PTPRU: variants seen among roughly 807,000 people sequenced by gnomAD.
The protein encoded by PTPRU is protein tyrosine phosphatase receptor type U.
PTPRU carries 69 observed loss-of-function variants against 166.3 expected under a neutral mutation model. The observed-to-expected ratio is 0.41, with a 90% confidence interval of 0.34 to 0.51. The LOEUF is 0.51. Ranked by LOEUF, PTPRU falls within the 20% of genes least tolerant of loss-of-function variation. The probability of loss-of-function intolerance (pLI) is 0.09; values close to 1 mark genes in which losing one functional copy is unlikely to be tolerated. For missense variants in PTPRU, 1,657 were observed against 2,013.7 expected, an observed-to-expected ratio of 0.82 and a Z score of 3.39; for synonymous variants, 793 against 814.0, an observed-to-expected ratio of 0.97 and a Z score of 0.44.
chr1:29,266,827 G>A (rs910212438), intron 7 of PTPRU, among the ~76,000 whole-genome samples: 3 of 152,130 alleles, frequency 2.0e-5, no homozygotes, highest in Non-Finnish European at 4.4e-5. Context: ...GATAATAGAT[G>A]AGTAAACAAG....
intron 8 of PTPRU, among the ~76,000 whole-genome samples, chr1:29,278,062 C>CGCCT (rs1557440858): frequency 6.6e-6 from 1 of 151,848 alleles, no homozygotes; most frequent in Non-Finnish European, 1.5e-5. Context: ...TCAAGTGATC[C>CGCCT]GCCTGCCTCG....
At chr1:29,259,657 G>T in intron 5 of PTPRU, 93 bp downstream of exon 5, 1 of 1,329,940 alleles carries the variant, frequency 7.5e-7, no homozygotes, top group Non-Finnish European at 1.0e-6. Flanking sequence ...CTGAGTCCCT[G>T]CTTCATACTC....
Position 29,311,415 on chromosome 1 carries a change from A to AC in PTPRU, c.2858-39dup. The AC allele has an allele frequency of 6.3e-7, 1 of 1,599,508 alleles. No individual in the cohort carries two copies. Among genetic ancestry groups the AC allele is most frequent in the Non-Finnish European group, 8.6e-7 (1 of 1,168,704 alleles). On this transcript the variant is annotated intron_variant, in intron 19 of 29. Transcript: ENST00000373779. The surrounding 1 kb of genome is among the most constrained non-coding windows in gnomAD (Gnocchi z 4.1). ...CTGGATGTGCTGACCTGGGGTGGAG[A>AC]CCTTGTCTCAGGGACAGGCACCCTC...
chr1:29,312,117 G>T (rs963629212), intron 21 of PTPRU, among the ~76,000 whole-genome samples: 1 of 152,238 alleles, frequency 6.6e-6, no homozygotes, highest in Non-Finnish European at 1.5e-5. Flanking sequence ...GGCAGGAGAG[G>T]CCACATAGTC....
Position 29,238,255 on chromosome 1 carries a change from T to G in PTPRU, c.73+1538T>G, listed in dbSNP as rs1284985177. Reference sequence around the variant, plus strand: ...TGTGCTCGTCGGAGTGTGGACGGTGTGTCGGATGTGTGTGCGTGCGCGTGT... The same window carrying G: ...TGTGCTCGTCGGAGTGTGGACGGTGGGTCGGATGTGTGTGCGTGCGCGTGT... On this transcript the variant is annotated intron_variant, in intron 1 of 29. Transcript: ENST00000373779. This position sits in a 1 kb window ranked among gnomAD's most constrained non-coding sequence, Gnocchi z 6.1. Among the ~76,000 whole-genome samples the G allele has an allele frequency of 1.3e-5, 2 of 151,592 alleles. No individual in the cohort carries two copies. Among genetic ancestry groups the G allele is most frequent in the African/African-American group, 4.9e-5 (2 of 41,236 alleles).
chr1:29,282,862 C>T lies in PTPRU; in HGVS notation c.2055C>T (p.Asn685=). The T allele has an allele frequency of 6.2e-7, 1 of 1,614,122 alleles. No homozygotes were observed. Among genetic ancestry groups the T allele is most frequent in the Non-Finnish European group, 8.5e-7 (1 of 1,180,010 alleles). ...CCATGCCCTTTACCGTGGGTGACAA[C>T]CAGACCTACCGAGGCTTCTGGAACC... ...PEAMPFTVGD[N]QTYRGFWNPP... is the part of the protein sequence containing the mutation. Residue 685 remains asparagine, a synonymous_variant, in exon 12 of 30, where the codon AAC becomes AAT. Coordinates refer to ENST00000373779, the MANE Select transcript of PTPRU (RefSeq NM_133178.4).
chr1:29,260,031 G>T lies in PTPRU; in HGVS notation c.837G>T (p.Glu279Asp). 6.8e-7 allele frequency: 1 copy of T among 1,463,200 alleles called. No individual in the cohort carries two copies. Among genetic ancestry groups the T allele is most frequent in the Admixed American group, 2.5e-5 (1 of 40,804 alleles). The allele number at this position is 1,463,200 out of a possible 1,614,324, so 90.6% of individuals were successfully genotyped here. The change falls in exon 6 of 30, where the codon GAG (glutamate) becomes GAT (aspartate). Residue 279 changes from glutamate (E) to aspartate (D), a missense_variant. Physicochemically the swap from Glu to Asp is conservative, Grantham distance 45. This residue lies in a region of PTPRU where 453 missense variants were observed against 496.9 expected (regional missense o/e 0.91). Transcript: ENST00000373779. The surrounding 1 kb of genome is among the most constrained non-coding windows in gnomAD (Gnocchi z 8.3). ...GCGCGGGCGTCTCTAACTTCGCGGA[G>T]CTCATCGTCAAGGGTCAGCTGGTGG... is the stretch of plus-strand genomic sequence containing the variant. Reference protein sequence around the residue: ...PRGAGVSNFAELIVKEPPTPI... With the variant: ...PRGAGVSNFADLIVKEPPTPI...
At chr1:29,243,432 C>G (rs559611160) in intron 1 of PTPRU, among the ~76,000 whole-genome samples, 12 of 152,348 alleles carry the variant, frequency 7.9e-5, no homozygotes, top group Admixed American at 5.2e-4. Context: ...CTGTCTGCTC[C>G]AAATCACCAG....
At chr1:29,263,698 G>A (rs562930737) in intron 7 of PTPRU, among the ~76,000 whole-genome samples, 1 of 152,086 alleles carries the variant, frequency 6.6e-6, no homozygotes, top group African/African-American at 2.4e-5. Context: ...TATATGAAAT[G>A]GTATCTCATT....
At position 29,320,859 on chromosome 1, in the gene PTPRU, C is replaced by G. The variant is rs1688126625; in HGVS notation, c.3828+34C>G. The G allele has an allele frequency of 6.6e-7, 1 of 1,519,010 alleles. No individual in the cohort carries two copies. Among genetic ancestry groups the G allele is most frequent in the East Asian group, 2.3e-5 (1 of 42,678 alleles). 94.1% of individuals were successfully genotyped at this position (1,519,010 alleles called of 1,614,324 possible). A position where few individuals can be genotyped will look rare whatever the true frequency, so the allele number is the denominator to read the frequency against. On this transcript the variant is annotated intron_variant, in intron 26 of 29. Coordinates refer to ENST00000373779, the MANE Select transcript of PTPRU (RefSeq NM_133178.4). The surrounding 1 kb of genome is among the most constrained non-coding windows in gnomAD (Gnocchi z 5.2). ...TCCACTGGCCAGGCCAATGGGCCGC[C>G]TGCTCCCAGGTCCTCTGTGTATTCA...
chr1:29,260,884 C>A lies in PTPRU; in HGVS notation c.1125C>A (p.Ile375=). Residue 375 remains isoleucine, a synonymous_variant, in exon 7 of 30, where the codon ATC becomes ATA. Coordinates refer to ENST00000373779, the MANE Select transcript of PTPRU (RefSeq NM_133178.4). The surrounding 1 kb of genome is among the most constrained non-coding windows in gnomAD (Gnocchi z 8.3). ...GGTGRPGPPL[I]SRTKCAEPMR... is the part of the protein sequence containing the mutation. Reference sequence around the variant, plus strand: ...CTGGCCGCCCTGGGCCACCCCTCATCAGCCGCACCAAATGCGCAGGTGGGT... The same window carrying A: ...CTGGCCGCCCTGGGCCACCCCTCATAAGCCGCACCAAATGCGCAGGTGGGT... 1 of 1,581,720 alleles carries A rather than the reference C, an allele frequency of 6.3e-7. No homozygotes were observed.
At chr1:29,289,756 G>A in intron 14 of PTPRU, 3 of 1,606,364 alleles carry the variant, frequency 1.9e-6, no homozygotes, top group Non-Finnish European at 2.6e-6. Context: ...CCCTGCCTAG[G>A]GGGAGATCCC....
Position 29,325,179 on chromosome 1 carries a change from T to G in PTPRU, c.4113-12T>G. 6.2e-7 allele frequency: 1 copy of G among 1,614,076 alleles called. No homozygotes were observed. Among genetic ancestry groups the G allele is most frequent in the Non-Finnish European group, 8.5e-7 (1 of 1,179,970 alleles). ...AAGGCCCCGCCCCTCAGCTTTTGCATCTCTCATTCAGAAACGGGGGAGGAC... is the reference window on the plus strand; with the variant it reads ...AAGGCCCCGCCCCTCAGCTTTTGCAGCTCTCATTCAGAAACGGGGGAGGAC... On this transcript the variant is annotated splice_polypyrimidine_tract_variant and intron_variant, in intron 28 of 29. Transcript: ENST00000373779.
Position 29,237,122 on chromosome 1 carries a change from G to T in PTPRU, c.73+405G>T. 6.6e-6 allele frequency among the ~76,000 whole-genome samples: 1 copy of T among 152,118 alleles called. No homozygotes were observed. Among genetic ancestry groups the T allele is most frequent in the Non-Finnish European group, 1.5e-5 (1 of 68,028 alleles). On this transcript the variant is annotated intron_variant, in intron 1 of 29. Coordinates refer to ENST00000373779, the MANE Select transcript of PTPRU (RefSeq NM_133178.4). The surrounding 1 kb of genome is among the most constrained non-coding windows in gnomAD (Gnocchi z 6.4). ...GTTTGCATTTTGTATGCCTGGCCGG[G>T]AGTGCTGTTTGTTTTGTGTCTGCGA...
chr1:29,296,338 G>A (rs1173355364), intron 15 of PTPRU, among the ~76,000 whole-genome samples: 1 of 152,088 alleles, frequency 6.6e-6, no homozygotes, highest in Non-Finnish European at 1.5e-5. Context: ...TTTTAAGTGG[G>A]CATTAAACTT....
At chr1:29,258,058 A>G (rs768729509) in intron 2 of PTPRU, among the ~76,000 whole-genome samples, 7 of 151,948 alleles carry the variant, frequency 4.6e-5, no homozygotes, top group Non-Finnish European at 8.8e-5. Context: ...TCTGCCTCCC[A>G]GGTTCAAGCA....
At position 29,265,756 on chromosome 1, in the gene PTPRU, TTTGTTG is replaced by T. The variant is rs899523075; in HGVS notation, c.1144+4868_1144+4873del. On this transcript the variant is annotated intron_variant, in intron 7 of 29. Coordinates refer to ENST00000373779, the MANE Select transcript of PTPRU (RefSeq NM_133178.4). ...AACATTTTCTAATTGGATTATTCTT[TTTGTTG>T]TTGTTGTTGTTGTTAAGTATTGAGA... Among the ~76,000 whole-genome samples, 8 of 152,086 alleles carry T rather than the reference TTTGTTG, an allele frequency of 5.3e-5. No homozygotes were observed. In the East Asian group the frequency reaches 1.3e-3, roughly 26 times the overall value.
chr1:29,278,566 G>A (rs948827417), intron 8 of PTPRU, among the ~76,000 whole-genome samples: 3 of 152,162 alleles, frequency 2.0e-5, no homozygotes, highest in Non-Finnish European at 2.9e-5. Flanking sequence ...TGTCATTTAT[G>A]TAATTAGAAA....
chr1:29,285,888 A>T (rs1378341583), intron 14 of PTPRU, among the ~76,000 whole-genome samples: 2 of 152,156 alleles, frequency 1.3e-5, no homozygotes, highest in Non-Finnish European at 1.5e-5. Flanking sequence ...TAAATGAGGG[A>T]TGGGGATGTT....
Sources: gnomAD v4.1 joint callset for allele counts (sites outside exome capture counted in the v4.1 genomes callset) on GRCh38, gnomAD v4.1.1 for gene constraint, gnomAD v4.1.1 regional missense constraint, Gnocchi (gnomAD v3.1) non-coding constraint, MANE v1.5 for transcripts, NCBI Gene and HGNC (gene_info 2026-07-23, HGNC 2026-07-21) for gene names.